The following DTHD1 variants were observed in gnomAD, a reference collection of about 807,000 sequenced individuals.
DTHD1 encodes the protein death domain containing 1, also known as death domain-containing protein 1.
DTHD1 carries 59 observed loss-of-function variants against 74.8 expected under a neutral mutation model. That is an observed-to-expected ratio of 0.79 (90% CI 0.64 to 0.98). The LOEUF (loss-of-function observed/expected upper bound fraction) is 0.98. Ranked by LOEUF, DTHD1 falls within the 50% of genes least tolerant of loss-of-function variation. The probability of loss-of-function intolerance (pLI) is 0.00; values close to 1 mark genes in which losing one functional copy is unlikely to be tolerated. For synonymous variants in DTHD1, 365 were observed against 371.1 expected (o/e 0.98, Z 0.19); for missense variants, 1,051 against 1,065.4 (o/e 0.99, Z 0.19).
intron 2 of DTHD1, among the ~76,000 whole-genome samples, chr4:36,289,141 A>G (rs1022192344): frequency 3.3e-5 from 5 of 152,182 alleles, no homozygotes; most frequent in Admixed American, 6.5e-5. Context: ...GCTGGACATT[A>G]ATGCTATGTT....
Position 36,290,585 on chromosome 4 carries a change from C to T in DTHD1, c.1100C>T (p.Pro367Leu), listed in dbSNP as rs1756017186. 12 of 1,551,326 alleles carry T rather than the reference C, an allele frequency of 7.7e-6. No homozygotes were observed. Among genetic ancestry groups the T allele is most frequent in the Non-Finnish European group, 1.0e-5 (12 of 1,146,968 alleles). Reference protein sequence around the residue: ...RVPFPIGIAIPFTARYRGNYR... With the variant: ...RVPFPIGIAILFTARYRGNYR... ...CCATTTCCAATAGGCATTGCAATTC[C>T]ATTTACTGCACGTTACAGAGGAAAT... The change falls in exon 3 of 10, where the codon CCA becomes CTA. Residue 367 changes from proline to leucine, a missense_variant. Coordinates refer to ENST00000639862, the MANE Select transcript of DTHD1 (RefSeq NM_001170700.3).
At chr4:36,314,069 G>GTTTTTTTTTTTTTTTTTTTTTTTTTTT (rs375245524) in intron 7 of DTHD1, among the ~76,000 whole-genome samples, 1 of 138,992 alleles carries the variant, frequency 7.2e-6, no homozygotes. Flanking sequence ...CTAGGAATCT[G>GTTTTTTTTTTTTTTTTTTTTTTTTTTT]TTTTTTTTTT....
intron 2 of DTHD1, among the ~76,000 whole-genome samples, chr4:36,285,944 T>C (rs1162504508): frequency 2.6e-5 from 4 of 152,204 alleles, no homozygotes; most frequent in African/African-American, 4.8e-5. Context: ...CATTGTTCCA[T>C]TACCCCCATC....
At chr4:36,300,579 C>CA (rs1052940754) in intron 5 of DTHD1, among the ~76,000 whole-genome samples, 1 of 150,042 alleles carries the variant, frequency 6.7e-6, no homozygotes, top group South Asian at 2.1e-4. Context: ...GTATGCAAGC[C>CA]AAAAAAATAC....
At chr4:36,322,573 C>T (rs148009088) in intron 8 of DTHD1, among the ~76,000 whole-genome samples, 2 of 151,956 alleles carry the variant, frequency 1.3e-5, no homozygotes, top group Non-Finnish European at 2.9e-5. Flanking sequence ...GAGACGGGCA[C>T]GCATTTCAAG....
intron 5 of DTHD1, among the ~76,000 whole-genome samples, chr4:36,301,798 CT>C (rs10718142): frequency 0.65 from 97,306 of 149,606 alleles, 31,554 homozygotes; most frequent in South Asian, 0.75. Flanking sequence ...TCATCACTCC[CT>C]TTTTTTTTTT....
chr4:36,322,926 A>C (rs9637597), intron 8 of DTHD1, among the ~76,000 whole-genome samples: 36,132 of 152,082 alleles, frequency 0.24, 4,706 homozygotes, highest in Admixed American at 0.3. Context: ...TATTTTGTGC[A>C]TGTGTGCGTG....
At chr4:36,318,847 C>A (rs1333862148) in intron 8 of DTHD1, among the ~76,000 whole-genome samples, 1 of 152,178 alleles carries the variant, frequency 6.6e-6, no homozygotes, top group Non-Finnish European at 1.5e-5. Flanking sequence ...ATCTCCTGAC[C>A]TCGTGATCCG....
chr4:36,332,744 T>C (rs1168368159), intron 8 of DTHD1: 5 of 152,210 alleles, frequency 3.3e-5, no homozygotes, highest in African/African-American at 1.2e-4. Flanking sequence ...TGATCACACT[T>C]GATCCTTGAT....
chr4:36,297,262 TCTTC>T (rs1756485301), intron 5 of DTHD1, among the ~76,000 whole-genome samples: 2 of 152,170 alleles, frequency 1.3e-5, no homozygotes, highest in Admixed American at 1.3e-4. Flanking sequence ...CAACTGTATT[TCTTC>T]CTTTATTCCT....
rs561454632 is a variant in DTHD1, at chr4:36,305,723, C to T, written c.1644-468C>T. On this transcript the variant is annotated intron_variant, in intron 5 of 9. Transcript: ENST00000639862. ...GGCTTTGAAACTGGGCAGTTTTGCT[C>T]CTGGGTGTGTGCTCTTCCCTTTTTT... is the stretch of plus-strand genomic sequence containing the variant. 2.0e-5 allele frequency among the ~76,000 whole-genome samples: 3 copies of T among 152,112 alleles called. No individual in the cohort carries two copies. In the East Asian group the frequency reaches 5.8e-4, roughly 29 times the overall value.
Position 36,339,206 on chromosome 4 carries a change from C to T in DTHD1, c.2398+37C>T, listed in dbSNP as rs970437977. 11 of 1,406,254 alleles carry T rather than the reference C, an allele frequency of 7.8e-6. No individual in the cohort carries two copies. In the African/African-American group the frequency reaches 8.5e-5, roughly 11 times the overall value. 87.1% of individuals were successfully genotyped at this position (1,406,254 alleles called of 1,614,324 possible). A position where few individuals can be genotyped will look rare whatever the true frequency, so the allele number is the denominator to read the frequency against. Reference sequence around the variant, plus strand: ...TTGCTTTGTCATCATTATAGTGCTTCCCCACCCCCTTATATGTTGTATATA... The same window carrying T: ...TTGCTTTGTCATCATTATAGTGCTTTCCCACCCCCTTATATGTTGTATATA... On this transcript the variant is annotated intron_variant, in intron 9 of 9. Coordinates refer to ENST00000639862, the MANE Select transcript of DTHD1 (RefSeq NM_001170700.3).
chr4:36,291,991 A>G (rs1002344109), intron 3 of DTHD1, among the ~76,000 whole-genome samples: 129 of 152,274 alleles, frequency 8.5e-4, no homozygotes, highest in African/African-American at 2.7e-3. Flanking sequence ...AATGTAAAAA[A>G]ATTCATATAT....
chr4:36,328,448 G>A (rs1434353940), intron 8 of DTHD1, among the ~76,000 whole-genome samples: 1 of 152,148 alleles, frequency 6.6e-6, no homozygotes, highest in Admixed American at 6.5e-5. Flanking sequence ...ATCTTTTAAT[G>A]TACTTATTTA....
chr4:36,324,581 T>G (rs111334837), intron 8 of DTHD1, among the ~76,000 whole-genome samples: 9,430 of 152,290 alleles, frequency 0.062, 637 homozygotes, highest in African/African-American at 0.17. Context: ...CTTCTGTAGA[T>G]GTATTATATC....
At chr4:36,291,759 C>A (rs774078011) in intron 3 of DTHD1, among the ~76,000 whole-genome samples, 5 of 152,034 alleles carry the variant, frequency 3.3e-5, no homozygotes, top group Non-Finnish European at 5.9e-5. Context: ...ACCCGGGAAG[C>A]GGAGGGTGCG....
chr4:36,295,770 G>A (rs561236896), intron 5 of DTHD1, among the ~76,000 whole-genome samples: 1 of 152,076 alleles, frequency 6.6e-6, no homozygotes, highest in African/African-American at 2.4e-5. Flanking sequence ...AATAGATGAA[G>A]AAAAGATGAA....
chr4:36,327,674 G>C (rs906579523), intron 8 of DTHD1, among the ~76,000 whole-genome samples: 6 of 152,160 alleles, frequency 3.9e-5, no homozygotes, highest in African/African-American at 1.4e-4. Context: ...CACCTACTTT[G>C]CCCATTTAGT....
At chr4:36,310,681 A>C (rs1448242997) in intron 7 of DTHD1, among the ~76,000 whole-genome samples, 1 of 152,206 alleles carries the variant, frequency 6.6e-6, no homozygotes, top group East Asian at 1.9e-4. Flanking sequence ...TGCTTCAAAA[A>C]AGGGACAAGG....
Sources: gnomAD v4.1 joint callset for allele counts (sites outside exome capture counted in the v4.1 genomes callset) on GRCh38, gnomAD v4.1.1 for gene constraint, MANE v1.5 for transcripts, NCBI Gene and HGNC (gene_info 2026-07-23, HGNC 2026-07-21) for gene names.